Variants in SIRT2 observed in about 807,000 individuals in gnomAD.
SIRT2 encodes the protein sirtuin 2, also known as NAD-dependent protein deacetylase sirtuin-2.
Under a neutral mutation model 57.4 loss-of-function variants are expected in SIRT2, and 40 were observed. The observed-to-expected ratio is 0.70, with a 90% CI of 0.54 to 0.91. The LOEUF (loss-of-function observed/expected upper bound fraction) is 0.91, where lower values mean the gene tolerates loss of function less well. Among genes scored for constraint, SIRT2 ranks in the 40% least tolerant of loss-of-function variants. The pLI, the probability that SIRT2 is intolerant of heterozygous loss-of-function variation, is 0.00. For missense variants in SIRT2, 439 were observed against 510.4 expected, an observed-to-expected ratio of 0.86 and a Z score of 1.35; for synonymous variants, 161 against 195.7, an observed-to-expected ratio of 0.82 and a Z score of 1.48.
At chr19:38,883,367 G>A (rs917832513) in intron 9 of SIRT2, among the ~76,000 whole-genome samples, 1 of 152,082 alleles carries the variant, frequency 6.6e-6, no homozygotes, top group African/African-American at 2.4e-5. Context: ...AGGATTACAG[G>A]TGTGAGCCAC....
intron 2 of SIRT2, among the ~76,000 whole-genome samples, chr19:38,895,024 G>T (rs1256284544): frequency 6.6e-6 from 1 of 151,416 alleles, no homozygotes; most frequent in African/African-American, 2.4e-5. Flanking sequence ...ATCTCAATGC[G>T]ATCGTACTGT....
chr19:38,897,472 C>T (rs1022591390), intron 2 of SIRT2, among the ~76,000 whole-genome samples: 1 of 152,074 alleles, frequency 6.6e-6, no homozygotes, highest in African/African-American at 2.4e-5. Flanking sequence ...TCTTCTTTGA[C>T]CCAGAAAATT....
chr19:38,890,372 C>A (rs527831222), intron 4 of SIRT2, among the ~76,000 whole-genome samples: 1 of 152,142 alleles, frequency 6.6e-6, no homozygotes, highest in African/African-American at 2.4e-5. Context: ...CAATCAACTG[C>A]GGAAGAGCCA....
rs1973069974 is a variant in SIRT2, at chr19:38,879,618, C to CT, written c.947+13_947+14insA. 6.4e-7 allele frequency: 1 copy of CT among 1,564,008 alleles called. No individual in the cohort carries two copies. Among genetic ancestry groups the CT allele is most frequent in the Non-Finnish European group, 8.7e-7 (1 of 1,153,834 alleles). ...GTCCCTTCCAGGCTGCCCCAACCCC[C>CT]GGCGGGGCCTCACCTGTAGGCCTTC... is the stretch of plus-strand genomic sequence containing the variant. On this transcript the variant is annotated intron_variant, in intron 14 of 15. Coordinates refer to ENST00000249396, the MANE Select transcript of SIRT2 (RefSeq NM_012237.4).
intron 8 of SIRT2, among the ~76,000 whole-genome samples, chr19:38,885,314 G>A (rs915329647): frequency 4.0e-5 from 6 of 150,894 alleles, no homozygotes; most frequent in Middle Eastern, 3.4e-3. Context: ...CTATTTGCCC[G>A]GGCTGGTCTT....
chr19:38,893,641 C>G, intron 3 of SIRT2, 114 bp from the exon 4 acceptor site: 1 of 1,168,856 alleles, frequency 8.6e-7, no homozygotes, highest in East Asian at 2.4e-5. Flanking sequence ...TCTAAAGGCA[C>G]AAGGCCCGGC....
chr19:38,895,198 G>A (rs1973679377), intron 2 of SIRT2, among the ~76,000 whole-genome samples: 1 of 151,716 alleles, frequency 6.6e-6, no homozygotes, highest in Admixed American at 6.6e-5. Context: ...CTCCTCCGGG[G>A]GTCCTGCCCC....
intron 2 of SIRT2, among the ~76,000 whole-genome samples, chr19:38,897,069 G>C (rs917313235): frequency 1.3e-5 from 2 of 152,138 alleles, no homozygotes; most frequent in East Asian, 3.9e-4. Context: ...TCCTGTAGCC[G>C]AGGGACGGGG....
chr19:38,897,106 A>G (rs1044019091), intron 2 of SIRT2, among the ~76,000 whole-genome samples: 1 of 152,192 alleles, frequency 6.6e-6, no homozygotes, highest in African/African-American at 2.4e-5. Context: ...ACTCTGCCTC[A>G]GATTCTGCAT....
chr19:38,888,951 C>G, intron 8 of SIRT2, 136 bp downstream of exon 8: 1 of 723,410 alleles, frequency 1.4e-6, no homozygotes, highest in Non-Finnish European at 2.4e-6. Context: ...AGCAAGGAGG[C>G]AGTAGGCCAA....
rs186079376 is a variant in SIRT2 at position 38,886,414 on chromosome 19, C to T, written c.502-2658G>A. On this transcript the variant is annotated intron_variant, in intron 8 of 15. Transcript: ENST00000249396. ...ACTGAACAGCGTGGAAAAGAACCAC[C>T]GAAATACCTCTGCGTTCTGTTATTC... 4.3e-4 allele frequency among the ~76,000 whole-genome samples: 65 copies of T among 151,850 alleles called. 2 individuals are homozygous for T. Among genetic ancestry groups the T allele is most frequent in the Non-Finnish European group, 1.9e-4 (13 of 67,972 alleles).
intron 2 of SIRT2, chr19:38,894,506 G>A (rs1227786925): frequency 2.7e-5 from 7 of 262,252 alleles, no homozygotes; most frequent in South Asian, 1.3e-4. Flanking sequence ...CTTGGTAAGC[G>A]CTGGCTGTTG....
chr19:38,896,964 G>C (rs182494395), intron 2 of SIRT2, among the ~76,000 whole-genome samples: 38 of 152,124 alleles, frequency 2.5e-4, no homozygotes, highest in Non-Finnish European at 4.9e-4. Context: ...TGCTGACGGG[G>C]GCCTTCAAGC....
chr19:38,899,190 A>C (rs2144713436), intron 1 of SIRT2, among the ~76,000 whole-genome samples: 1 of 152,214 alleles, frequency 6.6e-6, no homozygotes, highest in East Asian at 1.9e-4. Context: ...TGCCTCTAAC[A>C]ATCAGGTACC....
intron 8 of SIRT2, 56 bp from the exon 9 acceptor site, chr19:38,883,812 A>G: frequency 6.3e-7 from 1 of 1,596,428 alleles, no homozygotes; most frequent in Non-Finnish European, 8.6e-7. Flanking sequence ...CTTGTAGGCC[A>G]GAAGGCACAG....
chr19:38,892,721 C>T (rs771160916), intron 4 of SIRT2, among the ~76,000 whole-genome samples: 46 of 148,356 alleles, frequency 3.1e-4, no homozygotes, highest in Non-Finnish European at 2.1e-4. Flanking sequence ...CTACAGGCAA[C>T]GCCCCCATAT....
chr19:38,896,455 G>A (rs1973719641), intron 2 of SIRT2, among the ~76,000 whole-genome samples: 1 of 152,158 alleles, frequency 6.6e-6, no homozygotes, highest in African/African-American at 2.4e-5. Flanking sequence ...CTGGGCTCAA[G>A]TGATCCCCCT....
chr19:38,891,499 T>G lies in SIRT2; in HGVS notation c.227-1355A>C, dbSNP rs371190588. Reference sequence around the variant, plus strand: ...GGGAGGCAGAGGTTGCAGTGAGCCATGATAGCGCCACTGCACTCCAGCCTG... The same window carrying G: ...GGGAGGCAGAGGTTGCAGTGAGCCAGGATAGCGCCACTGCACTCCAGCCTG... On this transcript the variant is annotated intron_variant, in intron 4 of 15. Coordinates refer to ENST00000249396, the MANE Select transcript of SIRT2 (RefSeq NM_012237.4). Among the ~76,000 whole-genome samples the G allele has an allele frequency of 2.6e-3, 388 of 152,070 alleles. 4 individuals carry two copies. The highest frequency in any genetic ancestry group is 8.9e-3 in the African/African-American group (371 of 41,480).
Position 38,889,483 on chromosome 19 carries a change from A to G in SIRT2, c.432+206T>C, listed in dbSNP as rs566345841. On this transcript the variant is annotated intron_variant, in intron 7 of 15. Coordinates refer to ENST00000249396, the MANE Select transcript of SIRT2 (RefSeq NM_012237.4). ...GCAGCCCTCTTCAGACAGTACCATT[A>G]GCTTCACTTCACAGGAGGCAAATCG... The G allele has an allele frequency of 2.4e-5, 16 of 658,764 alleles. No individual in the cohort carries two copies. In the African/African-American group the frequency reaches 2.5e-4, roughly 10 times the overall value. The allele number at this position is 658,764 out of a possible 1,614,324, so 40.8% of individuals were successfully genotyped here. A position where few individuals can be genotyped will look rare whatever the true frequency, so the allele number is the denominator to read the frequency against.
Sources: allele counts gnomAD v4.1 joint callset (sites outside exome capture counted in the v4.1 genomes callset), GRCh38; gene constraint gnomAD v4.1.1; transcripts MANE v1.5; gene names NCBI Gene and HGNC (gene_info 2026-07-23, HGNC 2026-07-21).